The following KIF26B variants were observed in gnomAD, a reference collection of about 807,000 sequenced individuals.
The protein encoded by KIF26B is kinesin-like protein KIF26B.
In KIF26B, 63 loss-of-function variants were observed where a neutral mutation model predicts 151.2. The observed-to-expected ratio is 0.42, with a 90% CI of 0.34 to 0.51. KIF26B has a LOEUF of 0.51. Among genes scored for constraint, KIF26B ranks in the 20% least tolerant of loss-of-function variants. KIF26B has a pLI of 0.07. For missense variants in KIF26B, 2,813 were observed against 2,913.6 expected (o/e 0.97, Z 0.79); for synonymous variants, 1,357 against 1,262.1 (o/e 1.08, Z -1.59).
intron 3 of KIF26B, among the ~76,000 whole-genome samples, chr1:245,385,323 A>T (rs1313013248): frequency 6.6e-6 from 1 of 152,248 alleles, no homozygotes; most frequent in African/African-American, 2.4e-5. Flanking sequence ...CCAGTGCAAC[A>T]TTTGGGGTTA....
chr1:245,208,701 C>T (rs531100936), intron 2 of KIF26B, among the ~76,000 whole-genome samples: 11 of 152,210 alleles, frequency 7.2e-5, no homozygotes, highest in South Asian at 2.1e-4. Flanking sequence ...TTTTAGTGTG[C>T]GCAGCCAGGC....
chr1:245,175,810 C>T (rs768778824), intron 2 of KIF26B, among the ~76,000 whole-genome samples: 2 of 151,770 alleles, frequency 1.3e-5, no homozygotes, highest in Non-Finnish European at 2.9e-5. Context: ...AAAAGAGTCA[C>T]GGGCTTTATT....
intron 2 of KIF26B, among the ~76,000 whole-genome samples, chr1:245,331,176 T>G (rs55773350): frequency 1.7e-3 from 265 of 152,118 alleles, no homozygotes; most frequent in Non-Finnish European, 3.2e-3. Context: ...AGGCACAGGC[T>G]TCTCATTCCG....
rs548077483 is a variant in KIF26B at position 245,448,888 on chromosome 1, G to T, written c.1166+29143G>T. Among the ~76,000 whole-genome samples the T allele has an allele frequency of 5.3e-5, 8 of 152,326 alleles. No individual in the cohort carries two copies. In the South Asian group the frequency reaches 1.2e-3, roughly 24 times the overall value. On this transcript the variant is annotated intron_variant, in intron 4 of 14. Transcript: ENST00000407071. ...ACATCTATGGAGTCCAGATATTGGG[G>T]TCTACTAGGCTTTGGCTGTCCTTGT... is the stretch of plus-strand genomic sequence containing the variant.
At chr1:245,328,358 C>T (rs569559340) in intron 2 of KIF26B, among the ~76,000 whole-genome samples, 71 of 152,168 alleles carry the variant, frequency 4.7e-4, no homozygotes, top group Non-Finnish European at 2.9e-4. Context: ...TACTCATAAA[C>T]ATAGATCTCT....
intron 4 of KIF26B, among the ~76,000 whole-genome samples, chr1:245,479,771 C>T (rs773431202): frequency 3.9e-4 from 59 of 151,730 alleles, no homozygotes; most frequent in Non-Finnish European, 7.8e-4. Flanking sequence ...CTGACTGGTC[C>T]AGAAACCGTC....
At chr1:245,320,967 C>T (rs111230521) in intron 2 of KIF26B, among the ~76,000 whole-genome samples, 3,931 of 152,270 alleles carry the variant, frequency 0.026, 167 homozygotes, top group African/African-American at 0.089. Flanking sequence ...CGTAAGCCAC[C>T]GTACCTGGCC....
intron 5 of KIF26B, among the ~76,000 whole-genome samples, chr1:245,587,651 A>G (rs2043242340): frequency 1.3e-5 from 2 of 152,196 alleles, no homozygotes; most frequent in Admixed American, 6.5e-5. Context: ...GAAATACAAA[A>G]GTGTAGTTTG....
At chr1:245,343,791 A>G (rs1287777215) in intron 2 of KIF26B, among the ~76,000 whole-genome samples, 1 of 152,364 alleles carries the variant, frequency 6.6e-6, no homozygotes, top group African/African-American at 2.4e-5. Context: ...GTAAAGGAGA[A>G]GAATTGGCAG....
intron 2 of KIF26B, 103 bp downstream of exon 2, chr1:245,156,786 A>G (rs1668445003): frequency 3.0e-6 from 2 of 670,530 alleles, no homozygotes; most frequent in Admixed American, 4.4e-5. Context: ...CGCCGGCTCC[A>G]CGCGAGAGCC....
At chr1:245,419,481 C>A in intron 3 of KIF26B, 98 bp from the exon 4 acceptor site, 2 of 1,129,880 alleles carry the variant, frequency 1.8e-6, no homozygotes, top group South Asian at 1.6e-5. Flanking sequence ...GAAACCTGTT[C>A]CCTCTTGCCT....
intron 4 of KIF26B, among the ~76,000 whole-genome samples, chr1:245,444,588 C>G (rs1009155991): frequency 2.0e-5 from 3 of 152,226 alleles, no homozygotes; most frequent in African/African-American, 7.2e-5. Context: ...GTGGTGTTTT[C>G]ATCACTGAGT....
chr1:245,648,668 G>A lies in KIF26B; in HGVS notation c.2258+2388G>A, dbSNP rs531670828. On this transcript the variant is annotated intron_variant, in intron 10 of 14. Transcript: ENST00000407071. Reference sequence around the variant, plus strand: ...AAATAAATGAAAGTTTGTATTAATCGTTCAAGCTTCGTGTTAATTAAGCAT... The same window carrying A: ...AAATAAATGAAAGTTTGTATTAATCATTCAAGCTTCGTGTTAATTAAGCAT... 9.9e-5 allele frequency among the ~76,000 whole-genome samples: 15 copies of A among 151,972 alleles called. 1 individual carries two copies. In the South Asian group the frequency reaches 1.0e-3, roughly 11 times the overall value.
rs541745686 is a variant in KIF26B at position 245,462,031 on chromosome 1, G to A, written c.1166+42286G>A. ...GCCTGTAGTCCCAGGTACTCAGGAG[G>A]CTGAGGCAGGAGGCCAGGAGTTTGA... On this transcript the variant is annotated intron_variant, in intron 4 of 14. Transcript: ENST00000407071. Among the ~76,000 whole-genome samples, 162 of 152,290 alleles carry A rather than the reference G, an allele frequency of 1.1e-3. 1 individual carries two copies. Among genetic ancestry groups the A allele is most frequent in the Non-Finnish European group, 1.4e-3 (97 of 68,032 alleles).
intron 4 of KIF26B, among the ~76,000 whole-genome samples, chr1:245,460,343 T>C (rs1192064290): frequency 6.6e-6 from 1 of 152,194 alleles, no homozygotes; most frequent in Non-Finnish European, 1.5e-5. Flanking sequence ...TGGGTCATTT[T>C]TCTCTTAAAT....
At chr1:245,426,631 C>T (rs1658656020) in intron 4 of KIF26B, among the ~76,000 whole-genome samples, 1 of 152,194 alleles carries the variant, frequency 6.6e-6, no homozygotes, top group South Asian at 2.1e-4. Context: ...ACCAGTATCC[C>T]CTTGGGTCCA....
intron 3 of KIF26B, among the ~76,000 whole-genome samples, chr1:245,395,150 T>C (rs116012021): frequency 0.01 from 1,595 of 152,334 alleles, 27 homozygotes; most frequent in African/African-American, 0.037. Context: ...GGCTCCAACA[T>C]TGAGCAATCA....
At chr1:245,697,646 G>A (rs2044712481) in intron 12 of KIF26B, among the ~76,000 whole-genome samples, 1 of 152,124 alleles carries the variant, frequency 6.6e-6, no homozygotes, top group African/African-American at 2.4e-5. Flanking sequence ...GGAGGTGGGT[G>A]GTGGGAAGTG....
intron 4 of KIF26B, among the ~76,000 whole-genome samples, chr1:245,505,146 C>G (rs1361117875): frequency 6.6e-6 from 1 of 151,808 alleles, no homozygotes; most frequent in African/African-American, 2.4e-5. Flanking sequence ...CCATGTTGGC[C>G]AGGCTGTTCT....
Sources: allele counts gnomAD v4.1 joint callset (sites outside exome capture counted in the v4.1 genomes callset), GRCh38; gene constraint gnomAD v4.1.1; transcripts MANE v1.5; gene names NCBI Gene and HGNC (gene_info 2026-07-23, HGNC 2026-07-21).